Variants in LGR6 observed in about 807,000 individuals in gnomAD.
LGR6 encodes leucine rich repeat containing G protein-coupled receptor 6, also known as leucine-rich repeat-containing G protein-coupled receptor 6.
In LGR6, 45 loss-of-function variants were observed where a neutral mutation model predicts 69.4. The ratio of observed to expected loss-of-function variants is 0.65; its 90% confidence interval spans 0.51 to 0.83. LGR6 has a LOEUF of 0.83. Among genes scored for constraint, LGR6 ranks in the 40% least tolerant of loss-of-function variants. The probability of loss-of-function intolerance (pLI) is 0.00; values close to 1 mark genes in which losing one functional copy is unlikely to be tolerated. For missense variants in LGR6, 1,108 were observed against 1,246.7 expected, an observed-to-expected ratio of 0.89 and a Z score of 1.68; for synonymous variants, 538 against 555.0, an observed-to-expected ratio of 0.97 and a Z score of 0.43.
intron 1 of LGR6, among the ~76,000 whole-genome samples, chr1:202,211,816 AC>A (rs1256653615): frequency 2.1e-4 from 32 of 151,940 alleles, no homozygotes; most frequent in Middle Eastern, 6.8e-3. Flanking sequence ...GAAGCCCTCC[AC>A]CCCCATGCCC....
chr1:202,282,713 A>G (rs1666105708), intron 6 of LGR6, among the ~76,000 whole-genome samples: 1 of 152,214 alleles, frequency 6.6e-6, no homozygotes, highest in Admixed American at 6.5e-5. Flanking sequence ...TAAAAAACCA[A>G]CTAGCAGCTG....
chr1:202,301,328 C>T, intron 9 of LGR6, 93 bp downstream of exon 9: 4 of 1,094,084 alleles, frequency 3.7e-6, no homozygotes, highest in Non-Finnish European at 5.5e-6. Context: ...GGATCTCTCC[C>T]TTGCAAGGCA....
rs1048339466 is a variant in LGR6 at position 202,278,084 on chromosome 1, G to A, written c.644+1563G>A. Among the ~76,000 whole-genome samples the A allele has an allele frequency of 3.3e-5, 5 of 152,246 alleles. No homozygotes were observed. In the South Asian group the frequency reaches 6.2e-4, roughly 19 times the overall value. ...CAGAGAGCTTGGCTTCTCTCTGCTC[G>A]TGTGGGAGGGAAGCTTGAAGGTTTT... On this transcript the variant is annotated intron_variant, in intron 5 of 17. Transcript: ENST00000367278.
intron 1 of LGR6, among the ~76,000 whole-genome samples, chr1:202,210,037 C>G (rs1659401201): frequency 1.3e-5 from 2 of 152,194 alleles, no homozygotes; most frequent in Non-Finnish European, 1.5e-5. Flanking sequence ...TGGGTTCAGA[C>G]CAGAAGCCTG....
At chr1:202,228,797 G>A (rs1660773449) in intron 3 of LGR6, among the ~76,000 whole-genome samples, 1 of 152,138 alleles carries the variant, frequency 6.6e-6, no homozygotes, top group African/African-American at 2.4e-5. Flanking sequence ...AGGTCGCGTT[G>A]CCACAGGGTC....
At position 202,216,761 on chromosome 1, in the gene LGR6, C is replaced by T. The variant is rs952111489; in HGVS notation, c.213-8662C>T. On this transcript the variant is annotated intron_variant, in intron 1 of 17. Transcript: ENST00000367278. The stretch of plus-strand genomic sequence containing the variant: ...CCGGCTGGGCCTGGGAGGCCTGGGT[C>T]CCTTTAACTTCTCTGCCTGTGGGTG... 7.5e-4 allele frequency among the ~76,000 whole-genome samples: 114 copies of T among 152,296 alleles called. 1 individual carries two copies. Among genetic ancestry groups the T allele is most frequent in the African/African-American group, 2.1e-3 (86 of 41,554 alleles).
At chr1:202,226,068 C>T (rs1026951358) in intron 2 of LGR6, among the ~76,000 whole-genome samples, 1 of 152,220 alleles carries the variant, frequency 6.6e-6, no homozygotes, top group Non-Finnish European at 1.5e-5. Context: ...GGCCCATTTC[C>T]TCCACAAAGT....
At chr1:202,299,598 G>C (rs1193554710) in intron 7 of LGR6, among the ~76,000 whole-genome samples, 1 of 152,134 alleles carries the variant, frequency 6.6e-6, no homozygotes, top group African/African-American at 2.4e-5. Context: ...TCAGAGCTTG[G>C]CCCAACATTA....
chr1:202,204,838 CAT>C (rs560951833), intron 1 of LGR6, among the ~76,000 whole-genome samples: 1 of 2,548 alleles, frequency 3.9e-4, no homozygotes. Flanking sequence ...CCTCGAAACA[CAT>C]GTCCTTCAAA....
chr1:202,215,732 A>C (rs1659732105), intron 1 of LGR6, among the ~76,000 whole-genome samples: 1 of 152,216 alleles, frequency 6.6e-6, no homozygotes. Flanking sequence ...CGGAAGCTGT[A>C]GAAAATGAGC....
intron 1 of LGR6, chr1:202,197,295 G>T (rs1658676266): frequency 2.2e-6 from 1 of 460,722 alleles, no homozygotes; most frequent in Non-Finnish European, 4.4e-6. Flanking sequence ...ATAGCCAACT[G>T]GTATTCTTTG....
intron 4 of LGR6, among the ~76,000 whole-genome samples, chr1:202,267,425 G>T (rs1664761597): frequency 6.6e-6 from 1 of 152,124 alleles, no homozygotes; most frequent in Non-Finnish European, 1.5e-5. Context: ...TAAGGGCCTC[G>T]GCTAGGAGTG....
At chr1:202,276,754 G>A (rs1189281349) in intron 5 of LGR6, among the ~76,000 whole-genome samples, 2 of 152,116 alleles carry the variant, frequency 1.3e-5, no homozygotes, top group Non-Finnish European at 2.9e-5. Context: ...GTCACTAAAG[G>A]GCCAGGGTAC....
At chr1:202,225,529 T>A in intron 2 of LGR6, 35 bp downstream of exon 2, 1 of 1,578,766 alleles carries the variant, frequency 6.3e-7, no homozygotes, top group Non-Finnish European at 8.7e-7. Flanking sequence ...GAGGCAAGCA[T>A]GGGCTCTGTC....
intron 7 of LGR6, 105 bp downstream of exon 7, chr1:202,297,681 C>T (rs2148245993): frequency 1.1e-6 from 1 of 880,740 alleles, no homozygotes; most frequent in African/African-American, 1.7e-5. Flanking sequence ...TCCCATGGTC[C>T]TTATAAAAGA....
chr1:202,243,557 C>A (rs1662386421), intron 4 of LGR6, among the ~76,000 whole-genome samples: 1 of 152,112 alleles, frequency 6.6e-6, no homozygotes, highest in Non-Finnish European at 1.5e-5. Context: ...AATTATAGCC[C>A]CAATTTACAG....
intron 1 of LGR6, among the ~76,000 whole-genome samples, chr1:202,224,443 T>C (rs927273832): frequency 6.6e-6 from 1 of 152,142 alleles, no homozygotes; most frequent in African/African-American, 2.4e-5. Context: ...GTGTGCCAGT[T>C]CTGTGATGTG....
chr1:202,284,584 G>A (rs1666259958), intron 6 of LGR6, among the ~76,000 whole-genome samples: 1 of 152,182 alleles, frequency 6.6e-6, no homozygotes, highest in African/African-American at 2.4e-5. Context: ...AAGAGAGCAT[G>A]GTGAAGAACA....
In LGR6 at chr1:202,194,068, C is replaced by A. The variant is rs1437113234; in HGVS notation, c.79C>A (p.Gln27Lys). 2.3e-5 allele frequency: 33 copies of A among 1,443,712 alleles called. No individual in the cohort carries two copies. The highest frequency in any genetic ancestry group is 2.8e-5 in the Non-Finnish European group (31 of 1,104,830). The allele number at this position is 1,443,712 out of a possible 1,614,324, so 89.4% of individuals were successfully genotyped here. ...TTCCCGGAGGGCCGGCGGCGCCCCC[C>A]AGCCCGGCCCGGGGCCCACCGCCTG... ...CASRRAGGAP[Q>K]PGPGPTACPA... Residue 27 changes from glutamine (Q) to lysine (K), a missense_variant, in exon 1 of 18, where the codon CAG becomes AAG. By Grantham distance (53) the Gln-to-Lys change is moderately conservative. Transcript: ENST00000367278.
Sources: allele counts gnomAD v4.1 joint callset (sites outside exome capture counted in the v4.1 genomes callset), GRCh38; gene constraint gnomAD v4.1.1; transcripts MANE v1.5; gene names NCBI Gene and HGNC (gene_info 2026-07-23, HGNC 2026-07-21).